The following MED12 variants were observed in gnomAD, a reference collection of about 807,000 sequenced individuals.
MED12 encodes the protein mediator complex subunit 12.
In MED12, 10 loss-of-function variants were observed where a neutral mutation model predicts 177.7. The ratio of observed to expected loss-of-function variants is 0.06; its 90% CI spans 0.03 to 0.10. The LOEUF (loss-of-function observed/expected upper bound fraction) is 0.10, where lower values mean the gene tolerates loss of function less well. Ranked by LOEUF, MED12 falls within the 10% of genes least tolerant of loss-of-function variation. The pLI, the probability that MED12 is intolerant of heterozygous loss-of-function variation, is 1.00. For synonymous variants in MED12, 641 were observed against 678.4 expected (o/e 0.94, Z 0.86); for missense variants, 867 against 1,780.8 (o/e 0.49, Z 9.23).
At chrX:71,137,137 A>G in intron 38 of MED12, 50 bp from the exon 39 acceptor site, 1 of 1,200,433 alleles carries the variant, frequency 8.3e-7, no homozygotes, top group Non-Finnish European at 1.1e-6. Context: ...GACACTGAGC[A>G]AGAGACAGAG....
At chrX:71,134,026 G>A (rs1302263340) in intron 33 of MED12, among the ~76,000 whole-genome samples, 2 of 109,612 alleles carry the variant, frequency 1.8e-5, no homozygotes, top group Non-Finnish European at 3.8e-5. Context: ...TCAGGAGATC[G>A]AGACCATCCT....
Position 71,119,358 on chromosome X carries a change from G to C in MED12, c.100-15G>C, listed in dbSNP as rs757311606. The C allele has an allele frequency of 8.6e-7, 1 of 1,168,187 alleles. No individual in the cohort carries two copies. Among genetic ancestry groups the C allele is most frequent in the Non-Finnish European group, 1.2e-6 (1 of 866,276 alleles). ...CCTAAGGAAAAAACAACTAAACGCC[G>C]CTTTCCTGCCTCAGGATGAACTGAC... On this transcript the variant is annotated splice_polypyrimidine_tract_variant and intron_variant, in intron 1 of 44. Transcript: ENST00000374080.
chrX:71,137,272 C>G lies in MED12; in HGVS notation c.5637C>G (p.Pro1879=), dbSNP rs2092334940. ...PTRPTYPGVL[P]TTMTGVMGLE... ...GACCAACTTACCCTGGAGTGCTGCC[C>G]ACAACCATGACTGGCGTCATGGGTT... Residue 1879 remains proline (P), a synonymous_variant, in exon 39 of 45, where the codon CCC becomes CCG. Transcript: ENST00000374080. 8.3e-7 allele frequency: 1 copy of G among 1,209,929 alleles called. No individual in the cohort carries two copies. The highest frequency in any genetic ancestry group is 1.8e-5 in the South Asian group (1 of 56,812).
At chrX:71,119,912 G>C (rs375005404) in intron 3 of MED12, 35 bp downstream of exon 3, 171 of 1,205,287 alleles carry the variant, frequency 1.4e-4, no homozygotes, top group Non-Finnish European at 1.8e-4. Flanking sequence ...AGGCCAAGGA[G>C]GGAGCATGGG....
rs1250086536 is a variant in MED12 at position 71,129,435 on chromosome X, G to A, written c.3691+6G>A. On this transcript the variant is annotated splice_donor_region_variant and intron_variant, in intron 26 of 44. Coordinates refer to ENST00000374080, the MANE Select transcript of MED12 (RefSeq NM_005120.3). ...CAAGGCTGTGTTTGTACTTGGTACG[G>A]GGGTAGGAAGGGAGTGGTGCCAGAA... The A allele has an allele frequency of 8.8e-7, 1 of 1,140,779 alleles. No individual in the cohort carries two copies. Among genetic ancestry groups the A allele is most frequent in the Admixed American group, 2.2e-5 (1 of 45,852 alleles). The allele number at this position is 1,140,779 out of a possible 1,213,427, so 94.0% of individuals were successfully genotyped here.
At position 71,132,508 on chromosome X, in the gene MED12, G is replaced by A. The variant is rs2147814726; in HGVS notation, c.4385G>A (p.Arg1462His). 8.4e-7 allele frequency: 1 copy of A among 1,196,868 alleles called. No individual in the cohort carries two copies. The highest frequency in any genetic ancestry group is 1.1e-6 in the Non-Finnish European group (1 of 887,676). Reference protein sequence around the residue: ...EKGQHLGSSSRKERDRQKQKS... With the variant: ...EKGQHLGSSSHKERDRQKQKS... Reference sequence around the variant, plus strand: ...GGTCAGCACCTGGGTTCCTCTTCACGCAAAGAACGTGATCGACAAAAGCAG... The same window carrying A: ...GGTCAGCACCTGGGTTCCTCTTCACACAAAGAACGTGATCGACAAAAGCAG... Residue 1462 changes from arginine to histidine, a missense_variant, in exon 31 of 45, where the codon CGC becomes CAC. By Grantham distance (29) the Arg-to-His change is conservative (BLOSUM62 0). This residue lies in a region of MED12 where 17 missense variants were observed against 76.7 expected (regional missense o/e 0.22). Transcript: ENST00000374080.
chrX:71,134,230 CAAAAAAAAAAA>C, intron 33 of MED12, 116 bp from the exon 34 acceptor site: 1 of 301,852 alleles, frequency 3.3e-6, no homozygotes, highest in Middle Eastern at 8.0e-4. Context: ...GACTCCGTCT[CAAAAAAAAAAA>C]AAAAAAAAAA....
At chrX:71,124,093 C>G (rs1170921026) in intron 12 of MED12, 66 bp from the exon 13 acceptor site, 14 of 887,112 alleles carry the variant, frequency 1.6e-5, no homozygotes, top group Non-Finnish European at 2.3e-5. Flanking sequence ...TTAGGTGTGT[C>G]CCTCTCTCTT....
chrX:71,119,180 G>A (rs1433461253), intron 1 of MED12, among the ~76,000 whole-genome samples, 193 bp from the exon 2 acceptor site: 2 of 110,327 alleles, frequency 1.8e-5, no homozygotes, highest in African/African-American at 6.6e-5. Context: ...GGGTGGCTGG[G>A]AATCCTAGTG....
intron 24 of MED12, 189 bp from the exon 25 acceptor site, chrX:71,128,925 C>A: frequency 1.8e-6 from 1 of 563,589 alleles, no homozygotes; most frequent in Non-Finnish European, 3.0e-6. Context: ...AATTTCTGAC[C>A]CTTCAACTGC....
chrX:71,127,701 C>T, intron 21 of MED12, 192 bp from the exon 22 acceptor site: 1 of 482,377 alleles, frequency 2.1e-6, no homozygotes, highest in Non-Finnish European at 3.6e-6. Context: ...TCACTGCCTT[C>T]AGAGGCCCCA....
rs59024650 is a variant in MED12 at position 71,124,481 on chromosome X, G to C, written c.1974+93G>C. ...CTCTAAGAGCCTCTTTTGCCTGGGG[G>C]AGGGGGGTAGTATTTTTCTTAGCAC... On this transcript the variant is annotated intron_variant, in intron 13 of 44. Coordinates refer to ENST00000374080, the MANE Select transcript of MED12 (RefSeq NM_005120.3). 0.35 allele frequency: 247,026 copies of C among 698,313 alleles called. 32,101 individuals are homozygous for C. The highest frequency in any genetic ancestry group is 0.5 in the Admixed American group (18,268 of 36,629). 57.5% of individuals were successfully genotyped at this position (698,313 alleles called of 1,213,427 possible).
At chrX:71,135,459 T>C (rs890998720) in intron 36 of MED12, among the ~76,000 whole-genome samples, 1 of 110,816 alleles carries the variant, frequency 9.0e-6, no homozygotes, top group Admixed American at 9.6e-5. Context: ...CCCTCTTTCC[T>C]TCACCCTGCC....
chrX:71,122,782 A>T lies in MED12; in HGVS notation c.1393A>T (p.Ser465Cys). Reference protein sequence around the residue: ...RVLHTLEVLDSHSFERSDFSN... With the variant: ...RVLHTLEVLDCHSFERSDFSN... ...ACTTCATACTTTGGAAGTGCTGGACAGCCATAGTTTTGAACGCTCTGACTT... is the reference window on the plus strand; with the variant it reads ...ACTTCATACTTTGGAAGTGCTGGACTGCCATAGTTTTGAACGCTCTGACTT... Residue 465 changes from serine to cysteine, a missense_variant, in exon 10 of 45, where the codon AGC (serine) becomes TGC (cysteine). Around this residue, in one of 14 missense-constraint regions of MED12, gnomAD observed 309 missense variants for 556.3 expected, o/e 0.56. Transcript: ENST00000374080. 8.3e-7 allele frequency: 1 copy of T among 1,211,720 alleles called. No homozygotes were observed. Among genetic ancestry groups the T allele is most frequent in the Non-Finnish European group, 1.1e-6 (1 of 895,303 alleles).
intron 17 of MED12, among the ~76,000 whole-genome samples, 156 bp downstream of exon 17, chrX:71,125,869 T>C (rs951010332): frequency 9.8e-6 from 1 of 101,934 alleles, no homozygotes; most frequent in Non-Finnish European, 2.0e-5. Context: ...CCCCCATCCC[T>C]TCCTTGACCC....
chrX:71,120,577 G>A (rs1193372324), intron 4 of MED12, among the ~76,000 whole-genome samples: 1 of 108,155 alleles, frequency 9.2e-6, no homozygotes, highest in Non-Finnish European at 1.9e-5. Flanking sequence ...TACAAATATG[G>A]TGATTAGGGG....
chrX:71,124,942 C>T, intron 14 of MED12, 34 bp from the exon 15 acceptor site: 1 of 1,207,160 alleles, frequency 8.3e-7, no homozygotes, highest in Non-Finnish European at 1.1e-6. Context: ...CACTTTCCTT[C>T]TTCTCATGTT....
Position 71,134,878 on chromosome X carries a change from C to T in MED12, c.4863+30C>T, listed in dbSNP as rs769248038. On this transcript the variant is annotated intron_variant, in intron 35 of 44. Coordinates refer to ENST00000374080, the MANE Select transcript of MED12 (RefSeq NM_005120.3). ...GCAGAGGAAGCGGGGGCAAGGTTTG[C>T]GGTTACTGGAATCTGCTGTCCAGCC... is the stretch of plus-strand genomic sequence containing the variant. The T allele has an allele frequency of 6.6e-6, 8 of 1,207,439 alleles. No individual in the cohort carries two copies. In the South Asian group the frequency reaches 7.1e-5, roughly 11 times the overall value.
At position 71,128,419 on chromosome X, in the gene MED12, C is replaced by T. The variant is rs781289776; in HGVS notation, c.3333C>T (p.Asn1111=). The part of the protein sequence containing the change: ...CSSNNGTCGF[N]DLLCNVDVSD... ...CTAACAATGGCACTTGTGGTTTCAA[C>T]GATCTCCTCTGCAATGTTGATGTGA... Residue 1111 remains asparagine (N), a synonymous_variant, in exon 23 of 45, where the codon AAC becomes AAT. Transcript: ENST00000374080. The T allele has an allele frequency of 1.2e-5, 15 of 1,209,235 alleles. No homozygotes were observed. Among genetic ancestry groups the T allele is most frequent in the Admixed American group, 6.6e-5 (3 of 45,688 alleles).
Sources: allele counts gnomAD v4.1 joint callset (sites outside exome capture counted in the v4.1 genomes callset), GRCh38; gene constraint gnomAD v4.1.1; regional missense constraint gnomAD v4.1.1; transcripts MANE v1.5; gene names NCBI Gene and HGNC (gene_info 2026-07-23, HGNC 2026-07-21).